Variants in CECR2 observed in about 807,000 individuals in gnomAD.
CECR2 encodes CECR2 histone acetyl-lysine reader.
Under a neutral mutation model 154.5 loss-of-function variants are expected in CECR2, and 30 were observed. The observed-to-expected ratio is 0.19, with a 90% CI of 0.15 to 0.26. CECR2 has a LOEUF of 0.26. Ranked by LOEUF, CECR2 falls within the 10% of genes least tolerant of loss-of-function variation. The pLI is 1.00. For synonymous variants in CECR2, 725 were observed against 683.7 expected, an observed-to-expected ratio of 1.06 and a Z score of -0.94; for missense variants, 1,743 against 1,829.3, an observed-to-expected ratio of 0.95 and a Z score of 0.86.
intron 9 of CECR2, among the ~76,000 whole-genome samples, chr22:17,536,298 C>T (rs2056436445): frequency 6.6e-6 from 1 of 152,132 alleles, no homozygotes; most frequent in Non-Finnish European, 1.5e-5. Context: ...GCTGGCTTCT[C>T]CTCCCTTCCA....
intron 1 of CECR2, among the ~76,000 whole-genome samples, chr22:17,360,694 A>G (rs78852186): frequency 6.8e-6 from 1 of 147,744 alleles, no homozygotes; most frequent in Non-Finnish European, 1.5e-5. Context: ...AAAAAAAAAA[A>G]TTAGTCCAAG....
intron 1 of CECR2, among the ~76,000 whole-genome samples, chr22:17,416,727 G>A (rs1490067633): frequency 6.6e-6 from 1 of 152,108 alleles, no homozygotes; most frequent in Admixed American, 6.6e-5. Context: ...GTCTGGAACT[G>A]CTGGCCTCAA....
chr22:17,421,855 AAAAAAAC>A (rs2054258283), intron 1 of CECR2, among the ~76,000 whole-genome samples: 2 of 143,266 alleles, frequency 1.4e-5, no homozygotes, highest in Non-Finnish European at 3.0e-5. Flanking sequence ...TCTACTAAAA[AAAAAAAC>A]AAAAAAAACT....
At chr22:17,430,748 G>GGCTGC (rs2054408605) in intron 1 of CECR2, among the ~76,000 whole-genome samples, 1 of 151,990 alleles carries the variant, frequency 6.6e-6, no homozygotes, top group African/African-American at 2.4e-5. Context: ...TTTGGGTCAT[G>GGCTGC]GCTGCAGTGT....
Position 17,548,911 on chromosome 22 carries a change from C to T in CECR2, c.3624C>T (p.Ser1208=), listed in dbSNP as rs779765310. The change falls in exon 17 of 19, where the codon AGC becomes AGT. Residue 1208 remains serine, a synonymous_variant. Coordinates refer to ENST00000262608, the MANE Select transcript of CECR2 (RefSeq NM_001290047.2). Reference sequence around the variant, plus strand: ...CTCCTTACTATGCCTGTCCACAGAGCTTTTCTGACTGGCAGAGACCTCTCC... The same window carrying T: ...CTCCTTACTATGCCTGTCCACAGAGTTTTTCTGACTGGCAGAGACCTCTCC... ...QRTPYYACPQ[S]FSDWQRPLHP... 1.9e-6 allele frequency: 3 copies of T among 1,613,478 alleles called. No individual in the cohort carries two copies. Among genetic ancestry groups the T allele is most frequent in the Non-Finnish European group, 8.5e-7 (1 of 1,179,590 alleles).
At chr22:17,407,237 A>G (rs2053997624) in intron 1 of CECR2, among the ~76,000 whole-genome samples, 1 of 152,230 alleles carries the variant, frequency 6.6e-6, no homozygotes, top group South Asian at 2.1e-4. Flanking sequence ...TTATTTCAGT[A>G]TAAGCTTGCA....
chr22:17,369,322 C>T (rs966024169), upstream of CECR2: 4 of 151,480 alleles, frequency 2.6e-5, no homozygotes, highest in African/African-American at 9.7e-5. Flanking sequence ...CCGCCCCTCC[C>T]CCTCCCTGGC....
At chr22:17,494,989 G>A (rs921930627) in intron 2 of CECR2, among the ~76,000 whole-genome samples, 23 of 152,052 alleles carry the variant, frequency 1.5e-4, no homozygotes, top group African/African-American at 4.3e-4. Context: ...CACCGCGCCC[G>A]GCAAACTGTT....
At chr22:17,492,808 A>AATT (rs2055554835) in intron 2 of CECR2, among the ~76,000 whole-genome samples, 1 of 152,168 alleles carries the variant, frequency 6.6e-6, no homozygotes, top group African/African-American at 2.4e-5. Context: ...GAATGATGAG[A>AATT]ATTACTAAGT....
chr22:17,537,303 C>A, intron 10 of CECR2, 71 bp downstream of exon 10: 1 of 1,557,934 alleles, frequency 6.4e-7, no homozygotes, highest in Non-Finnish European at 8.8e-7. Context: ...GGCACTTGCC[C>A]CATGTCATCC....
chr22:17,370,254 G>C (rs2063039407), intron 1 of CECR2, among the ~76,000 whole-genome samples: 1 of 150,470 alleles, frequency 6.6e-6, no homozygotes, highest in East Asian at 2.0e-4. Context: ...TGGGCGCGAG[G>C]GCTGCGCGCG....
At chr22:17,453,450 A>G (rs2054804229) in intron 1 of CECR2, among the ~76,000 whole-genome samples, 1 of 152,228 alleles carries the variant, frequency 6.6e-6, no homozygotes, top group Non-Finnish European at 1.5e-5. Context: ...CTCAAAAAAA[A>G]GAAAAAAGTA....
chr22:17,413,690 T>TA (rs2054100565), intron 1 of CECR2, among the ~76,000 whole-genome samples: 1 of 151,650 alleles, frequency 6.6e-6, no homozygotes, highest in African/African-American at 2.4e-5. Context: ...TTATTATTAT[T>TA]TTTTGAGATG....
At chr22:17,373,929 C>G (rs1339226819) in intron 1 of CECR2, among the ~76,000 whole-genome samples, 1 of 152,148 alleles carries the variant, frequency 6.6e-6, no homozygotes, top group Non-Finnish European at 1.5e-5. Context: ...TGTCCTGATT[C>G]AAGAAAAGAA....
chr22:17,516,990 A>C (rs1788251582), intron 8 of CECR2, among the ~76,000 whole-genome samples: 1 of 144,864 alleles, frequency 6.9e-6, no homozygotes, highest in Non-Finnish European at 1.5e-5. Context: ...AGCTCACTGC[A>C]ACCTCTGCCT....
At chr22:17,447,114 A>G (rs1276233927) in intron 1 of CECR2, among the ~76,000 whole-genome samples, 2 of 141,142 alleles carry the variant, frequency 1.4e-5, no homozygotes, top group Admixed American at 7.5e-5. Context: ...TGCTCACTGT[A>G]AGCTCCGCCT....
At chr22:17,440,423 T>C (rs912429118) in intron 1 of CECR2, among the ~76,000 whole-genome samples, 8 of 152,212 alleles carry the variant, frequency 5.3e-5, no homozygotes, top group African/African-American at 1.9e-4. Context: ...AATGGAACTC[T>C]TTCTCTGTCT....
intron 1 of CECR2, among the ~76,000 whole-genome samples, chr22:17,377,632 C>G (rs544031624): frequency 6.6e-6 from 1 of 152,330 alleles, no homozygotes; most frequent in South Asian, 2.1e-4. Flanking sequence ...GATCCACTTA[C>G]AGCTTCTGGC....
At chr22:17,494,505 C>A (rs1214622296) in intron 2 of CECR2, among the ~76,000 whole-genome samples, 1 of 152,190 alleles carries the variant, frequency 6.6e-6, no homozygotes, top group East Asian at 1.9e-4. Context: ...AAGGTTCAAG[C>A]ACTCAGTAAT....
Sources: allele counts gnomAD v4.1 joint callset (sites outside exome capture counted in the v4.1 genomes callset), GRCh38; gene constraint gnomAD v4.1.1; transcripts MANE v1.5; gene names NCBI Gene and HGNC (gene_info 2026-07-23, HGNC 2026-07-21).